Variants in DPP6 observed in about 807,000 individuals in gnomAD.
DPP6 encodes the protein A-type potassium channel modulatory protein DPP6.
DPP6 carries 69 observed loss-of-function variants against 122.6 expected under a neutral mutation model. That is an observed-to-expected ratio of 0.56 (90% confidence interval 0.46 to 0.69). The LOEUF is 0.69. Among genes scored for constraint, DPP6 ranks in the 30% least tolerant of loss-of-function variants. The pLI, the probability that DPP6 is intolerant of heterozygous loss-of-function variation, is 0.00. For missense variants in DPP6, 928 were observed against 1,116.9 expected, an observed-to-expected ratio of 0.83 and a Z score of 2.41; for synonymous variants, 418 against 433.1, an observed-to-expected ratio of 0.97 and a Z score of 0.43.
intron 7 of DPP6, among the ~76,000 whole-genome samples, chr7:154,720,173 C>G (rs1032868285): frequency 6.6e-6 from 1 of 152,118 alleles, no homozygotes; most frequent in African/African-American, 2.4e-5. Flanking sequence ...GAAAACAGAG[C>G]ATTTGGGTGA....
intron 7 of DPP6, among the ~76,000 whole-genome samples, chr7:154,670,269 C>G (rs1462299400): frequency 6.6e-6 from 1 of 152,238 alleles, no homozygotes; most frequent in Non-Finnish European, 1.5e-5. Flanking sequence ...CGGTTTCTAT[C>G]AGCTATCTTC....
chr7:154,813,131 AGTACAGTG>A (rs1008533415), intron 16 of DPP6, among the ~76,000 whole-genome samples: 7 of 151,488 alleles, frequency 4.6e-5, no homozygotes, highest in African/African-American at 1.7e-4. Context: ...CCCAGGCTAG[AGTACAGTG>A]GCATGATCTT....
rs1823300177 is a variant in DPP6, at chr7:154,481,516, C to T, written c.457+6479C>T. On this transcript the variant is annotated intron_variant, in intron 3 of 25. Transcript: ENST00000377770. This position sits in a 1 kb window ranked among gnomAD's most constrained non-coding sequence, Gnocchi z 4.2. ...CCCCCCGCTGCCCACTGTGCGAGCA[C>T]AGCCCTGGCCCCCCGACCCTCCATG... 6.6e-6 allele frequency among the ~76,000 whole-genome samples: 1 copy of T among 151,498 alleles called. No individual in the cohort carries two copies. The highest frequency in any genetic ancestry group is 1.5e-5 in the Non-Finnish European group (1 of 67,858).
intron 1 of DPP6, among the ~76,000 whole-genome samples, chr7:154,441,776 T>C (rs1191307886): frequency 6.6e-6 from 1 of 152,166 alleles, no homozygotes; most frequent in Non-Finnish European, 1.5e-5. Context: ...ATTATTATCT[T>C]AATCTGGGTT....
chr7:154,151,551 C>A (rs1274502466), intron 1 of DPP6, among the ~76,000 whole-genome samples: 2 of 152,236 alleles, frequency 1.3e-5, no homozygotes, highest in African/African-American at 4.8e-5. Context: ...TGGTGCTCAC[C>A]CAGACCTCCC....
At chr7:154,395,807 A>T (rs1303498574) in intron 1 of DPP6, among the ~76,000 whole-genome samples, 1 of 152,068 alleles carries the variant, frequency 6.6e-6, no homozygotes. Context: ...ATAAGTGGTA[A>T]AAGTTGGCAT....
intron 1 of DPP6, among the ~76,000 whole-genome samples, chr7:154,226,552 T>C (rs890019234): frequency 2.6e-5 from 4 of 152,188 alleles, no homozygotes; most frequent in Admixed American, 2.0e-4. Flanking sequence ...TGAAGTGTCT[T>C]TCTTCGTACA....
chr7:154,197,724 G>A (rs1011206293), intron 1 of DPP6, among the ~76,000 whole-genome samples: 3 of 152,178 alleles, frequency 2.0e-5, no homozygotes, highest in Non-Finnish European at 2.9e-5. Context: ...ATGCTCATTT[G>A]TTCTTAATAA....
intron 5 of DPP6, among the ~76,000 whole-genome samples, chr7:154,635,656 C>G (rs1048676205): frequency 1.3e-5 from 2 of 152,222 alleles, no homozygotes; most frequent in Non-Finnish European, 2.9e-5. Flanking sequence ...AACATCTTAG[C>G]TGTGTGGCTC....
At chr7:153,981,770 T>C (rs939263287) in intron 1 of DPP6, among the ~76,000 whole-genome samples, 1 of 152,198 alleles carries the variant, frequency 6.6e-6, no homozygotes, top group Non-Finnish European at 1.5e-5. Flanking sequence ...TTTGCTTGTC[T>C]GTAAAGGATT....
intron 1 of DPP6, among the ~76,000 whole-genome samples, chr7:154,249,800 T>C (rs1010969286): frequency 4.6e-5 from 7 of 152,122 alleles, no homozygotes; most frequent in Non-Finnish European, 1.0e-4. Context: ...TGCTAGAATT[T>C]TGTCTCAGAT....
At position 154,803,694 on chromosome 7, in the gene DPP6, A is replaced by T. The variant is rs553851038; in HGVS notation, c.1408-170A>T. On this transcript the variant is annotated intron_variant, in intron 13 of 25. Transcript: ENST00000377770. The stretch of plus-strand genomic sequence containing the variant: ...GCCTGGGGTTGGTTGGGAAGCCTCA[A>T]GGAGGATGTTGCCTCCCAGGAGAGG... 3.1e-4 allele frequency among the ~76,000 whole-genome samples: 47 copies of T among 152,276 alleles called. No homozygotes were observed. In the South Asian group the frequency reaches 8.5e-3, roughly 28 times the overall value.
the DPP6 span, among the ~76,000 whole-genome samples, chr7:153,868,988 C>G: frequency 2.0e-5 from 3 of 152,100 alleles, no homozygotes; most frequent in Admixed American, 6.6e-5. Flanking sequence ...ATCCTGAGTT[C>G]TAGTTTGATT....
chr7:154,150,536 CAGA>C (rs1284997710), intron 1 of DPP6, among the ~76,000 whole-genome samples: 1 of 152,224 alleles, frequency 6.6e-6, no homozygotes, highest in Non-Finnish European at 1.5e-5. Flanking sequence ...GGCACATCTG[CAGA>C]AGGACTGGAG....
chr7:154,546,949 G>T (rs1010890620), intron 4 of DPP6, among the ~76,000 whole-genome samples: 1 of 152,162 alleles, frequency 6.6e-6, no homozygotes, highest in African/African-American at 2.4e-5. Context: ...TGCTTTATGC[G>T]CTAGTCCTCT....
the DPP6 span, among the ~76,000 whole-genome samples, chr7:153,811,541 C>G: frequency 3.9e-5 from 6 of 152,174 alleles, no homozygotes; most frequent in Admixed American, 1.3e-4. Context: ...CTTCAGGGAC[C>G]CTCTGCCAGT....
chr7:154,180,344 A>G (rs1017947630), intron 1 of DPP6, among the ~76,000 whole-genome samples: 12 of 148,326 alleles, frequency 8.1e-5, no homozygotes, highest in African/African-American at 2.8e-4. Flanking sequence ...CGGGAGACAG[A>G]TAGATAGATA....
chr7:154,648,092 A>AT (rs1193052208), intron 6 of DPP6, among the ~76,000 whole-genome samples: 2 of 20,456 alleles, frequency 9.8e-5, no homozygotes, highest in Admixed American at 8.2e-4. Context: ...CTCTATTAAA[A>AT]TTAAAAAAAA....
At chr7:154,358,107 A>G (rs1032214117) in intron 1 of DPP6, among the ~76,000 whole-genome samples, 1 of 152,162 alleles carries the variant, frequency 6.6e-6, no homozygotes, top group African/African-American at 2.4e-5. Flanking sequence ...TTTTATGATA[A>G]TCAGTCTAGA....
Sources: allele counts gnomAD v4.1 joint callset (sites outside exome capture counted in the v4.1 genomes callset), GRCh38; gene constraint gnomAD v4.1.1; non-coding constraint Gnocchi (gnomAD v3.1); transcripts MANE v1.5; gene names NCBI Gene and HGNC (gene_info 2026-07-23, HGNC 2026-07-21).